TMEM131L: variants seen among roughly 807,000 people sequenced by gnomAD.
The protein encoded by TMEM131L is transmembrane 131 like, also known as transmembrane protein 131-like.
A neutral mutation model predicts 192.2 loss-of-function variants in TMEM131L; 54 were observed. The ratio of observed to expected loss-of-function variants is 0.28; its 90% CI spans 0.23 to 0.35. The LOEUF is 0.35. Among genes scored for constraint, TMEM131L ranks in the 10% least tolerant of loss-of-function variants. TMEM131L has a pLI of 1.00. For missense variants in TMEM131L, 1,888 were observed against 1,972.9 expected (o/e 0.96, Z 0.82); for synonymous variants, 701 against 704.9 (o/e 0.99, Z 0.09).
intron 7 of TMEM131L, among the ~76,000 whole-genome samples, chr4:153,575,430 G>A (rs915850618): frequency 2.0e-5 from 3 of 152,052 alleles, no homozygotes; most frequent in Admixed American, 6.5e-5. Context: ...CTGTGTTGAT[G>A]GATTTTTAGG....
intron 26 of TMEM131L, among the ~76,000 whole-genome samples, chr4:153,619,015 C>G (rs1245755888): frequency 2.0e-5 from 3 of 152,164 alleles, no homozygotes; most frequent in African/African-American, 7.2e-5. Flanking sequence ...TTCCCCTTTT[C>G]TTTGTCATAC....
intron 4 of TMEM131L, among the ~76,000 whole-genome samples, chr4:153,550,605 C>T (rs576301745): frequency 2.6e-5 from 4 of 152,192 alleles, no homozygotes; most frequent in East Asian, 1.9e-4. Flanking sequence ...GGATTACAGG[C>T]GCGAGCCACC....
At chr4:153,553,457 T>TAAAA (rs34266190) in intron 4 of TMEM131L, among the ~76,000 whole-genome samples, 23 of 143,860 alleles carry the variant, frequency 1.6e-4, no homozygotes, top group African/African-American at 5.3e-4. Context: ...TTGCTGAAGT[T>TAAAA]AAAAAAAAAA....
At position 153,621,821 on chromosome 4, in the gene TMEM131L, C is replaced by T. The variant is rs1733433399; in HGVS notation, c.3831C>T (p.Ser1277=). The change falls in exon 28 of 35, where the codon AGC becomes AGT. Residue 1277 remains serine (S), a synonymous_variant. Transcript: ENST00000409959. Reference sequence around the variant, plus strand: ...GTAAAGCAGATGCCGAAATTGCAAGCAGTTTACCTGCTGCCCAGAGAGAGG... The same window carrying T: ...GTAAAGCAGATGCCGAAATTGCAAGTAGTTTACCTGCTGCCCAGAGAGAGG... The part of the protein sequence containing the change: ...EVCKADAEIA[S]SLPAAQREAE... The T allele has an allele frequency of 6.2e-7, 1 of 1,613,978 alleles. No individual in the cohort carries two copies. Among genetic ancestry groups the T allele is most frequent in the Admixed American group, 1.7e-5 (1 of 60,004 alleles).
At chr4:153,520,855 A>G (rs1177830499) in intron 3 of TMEM131L, among the ~76,000 whole-genome samples, 5 of 152,182 alleles carry the variant, frequency 3.3e-5, no homozygotes, top group Non-Finnish European at 7.3e-5. Context: ...AGTTAATGGG[A>G]AGGACTGGGG....
chr4:153,568,483 A>C (rs1480594300), intron 7 of TMEM131L, among the ~76,000 whole-genome samples: 1 of 152,198 alleles, frequency 6.6e-6, no homozygotes, highest in Non-Finnish European at 1.5e-5. Flanking sequence ...TGAAAACCCT[A>C]AGAGATCCCT....
At chr4:153,623,362 C>T (rs964099875) in intron 29 of TMEM131L, among the ~76,000 whole-genome samples, 1 of 152,186 alleles carries the variant, frequency 6.6e-6, no homozygotes, top group Non-Finnish European at 1.5e-5. Flanking sequence ...TTCTTAATGA[C>T]ACCGCATTTG....
intron 3 of TMEM131L, among the ~76,000 whole-genome samples, chr4:153,488,380 G>A (rs941506285): frequency 3.3e-5 from 5 of 152,260 alleles, no homozygotes; most frequent in Non-Finnish European, 5.9e-5. Flanking sequence ...ACCCCGTCCT[G>A]CAGCTGGAGG....
intron 3 of TMEM131L, among the ~76,000 whole-genome samples, chr4:153,539,492 A>ATTTTTTT (rs750436196): frequency 2.7e-5 from 3 of 110,814 alleles, no homozygotes; most frequent in African/African-American, 3.8e-5. Context: ...CAGAGGCTAG[A>ATTTTTTT]TTTTTTTTTT....
intron 25 of TMEM131L, among the ~76,000 whole-genome samples, chr4:153,605,267 A>C (rs1358332700): frequency 6.6e-6 from 1 of 152,120 alleles, no homozygotes; most frequent in African/African-American, 2.4e-5. Flanking sequence ...CCTTTAATAG[A>C]TCCCTTTGGC....
At chr4:153,490,953 CAAAAAAA>C (rs3040164) in intron 3 of TMEM131L, among the ~76,000 whole-genome samples, 1 of 82,106 alleles carries the variant, frequency 1.2e-5, no homozygotes, top group African/African-American at 4.8e-5. Flanking sequence ...GACTCTGTCT[CAAAAAAA>C]AAAAAAAAAA....
chr4:153,526,023 A>AT (rs553318985), intron 3 of TMEM131L, among the ~76,000 whole-genome samples: 15 of 151,886 alleles, frequency 9.9e-5, no homozygotes, highest in African/African-American at 2.2e-4. Flanking sequence ...CACCCAGCTG[A>AT]TTTTTTTGTA....
Position 153,514,284 on chromosome 4 carries a change from A to G in TMEM131L, c.240-35789A>G, listed in dbSNP as rs528842815. Among the ~76,000 whole-genome samples the G allele has an allele frequency of 6.6e-5, 10 of 152,364 alleles. No homozygotes were observed. In the South Asian group the frequency reaches 1.9e-3, roughly 28 times the overall value. ...ATTGTGTGAGGTCTACACAATGCACATGCTCTGTAGCAGGACCAGAGGCTA... is the reference window on the plus strand; with the variant it reads ...ATTGTGTGAGGTCTACACAATGCACGTGCTCTGTAGCAGGACCAGAGGCTA... On this transcript the variant is annotated intron_variant, in intron 3 of 34. Coordinates refer to ENST00000409959, the MANE Select transcript of TMEM131L (RefSeq NM_001131007.2).
At chr4:153,471,761 T>C (rs1234565661) in intron 2 of TMEM131L, among the ~76,000 whole-genome samples, 3 of 152,198 alleles carry the variant, frequency 2.0e-5, no homozygotes, top group Non-Finnish European at 2.9e-5. Context: ...GCAGGCTCAG[T>C]GCTCCACTGC....
intron 3 of TMEM131L, among the ~76,000 whole-genome samples, chr4:153,495,087 G>A (rs559507978): frequency 1.1e-3 from 167 of 152,278 alleles, no homozygotes; most frequent in African/African-American, 3.7e-3. Context: ...AGGCCGAGGC[G>A]GTGGATCATC....
At chr4:153,539,336 G>T (rs1046139574) in intron 3 of TMEM131L, among the ~76,000 whole-genome samples, 1 of 152,164 alleles carries the variant, frequency 6.6e-6, no homozygotes, top group Non-Finnish European at 1.5e-5. Flanking sequence ...TCCTCTGACA[G>T]TGGGGTTATA....
At position 153,550,623 on chromosome 4, in the gene TMEM131L, G is replaced by C. The variant is rs971937546; in HGVS notation, c.308+482G>C. ...TTACAGGCGCGAGCCACCACTCCTG[G>C]CCTTCTTTAATTTTTAATAAGTATA... On this transcript the variant is annotated intron_variant, in intron 4 of 34. Transcript: ENST00000409959. Among the ~76,000 whole-genome samples, 4 of 152,288 alleles carry C rather than the reference G, an allele frequency of 2.6e-5. No individual in the cohort carries two copies. The East Asian group carries it at 7.7e-4, about 29-fold the overall frequency.
chr4:153,518,303 G>A (rs1485427806), intron 3 of TMEM131L, among the ~76,000 whole-genome samples: 3 of 152,216 alleles, frequency 2.0e-5, no homozygotes, highest in African/African-American at 7.2e-5. Context: ...GGATGCTGCT[G>A]CGCATTTCGA....
intron 3 of TMEM131L, among the ~76,000 whole-genome samples, chr4:153,522,589 G>C (rs1229380701): frequency 6.6e-6 from 1 of 152,138 alleles, no homozygotes; most frequent in Non-Finnish European, 1.5e-5. Context: ...CTCTCTTCTC[G>C]TTTGGCTCCA....
Sources: allele counts gnomAD v4.1 joint callset (sites outside exome capture counted in the v4.1 genomes callset), GRCh38; gene constraint gnomAD v4.1.1; transcripts MANE v1.5; gene names NCBI Gene and HGNC (gene_info 2026-07-23, HGNC 2026-07-21).